The following ZSCAN5A variants were observed in gnomAD, a reference collection of about 807,000 sequenced individuals.
ZSCAN5A encodes zinc finger and SCAN domain-containing protein 5A.
ZSCAN5A carries 12 observed loss-of-function variants against 23.7 expected under a neutral mutation model. The ratio of observed to expected loss-of-function variants is 0.51; its 90% CI spans 0.32 to 0.82. The LOEUF (loss-of-function observed/expected upper bound fraction) is 0.82, where lower values mean the gene tolerates loss of function less well. ZSCAN5A is among the 40% of genes least tolerant of loss of function. The pLI is 0.03. For missense variants in ZSCAN5A, 597 were observed against 617.9 expected, an observed-to-expected ratio of 0.97 and a Z score of 0.36; for synonymous variants, 257 against 239.9, an observed-to-expected ratio of 1.07 and a Z score of -0.66.
At chr19:56,368,115 G>A (rs2041785656) in intron 1 of ZSCAN5A, 2 of 152,540 alleles carry the variant, frequency 1.3e-5, no homozygotes, top group South Asian at 2.1e-4. Flanking sequence ...ACGCCCCCAC[G>A]GCCGAACTCA....
chr19:56,221,715 A>T lies in ZSCAN5A; in HGVS notation c.1351T>A (p.Tyr451Asn). ...ECKDCKKVFTYRGSLKEHQRI... is the reference protein window; with the variant it reads ...ECKDCKKVFTNRGSLKEHQRI... ...TGGTGCTCCTTCAGGCTCCCCCTGTAGGTGAAAACTTTCTTGCAGTCTTTA... is the reference window on the plus strand; with the variant it reads ...TGGTGCTCCTTCAGGCTCCCCCTGTTGGTGAAAACTTTCTTGCAGTCTTTA... Residue 451 changes from tyrosine (Y) to asparagine (N), a missense_variant, in exon 6 of 6, where the codon TAC becomes AAC. Physicochemically the swap from Tyr to Asn is moderately radical, Grantham distance 143 (BLOSUM62 -2). Transcript: ENST00000683990. The T allele has an allele frequency of 6.2e-7, 1 of 1,614,200 alleles. No homozygotes were observed. Among genetic ancestry groups the T allele is most frequent in the Admixed American group, 1.7e-5 (1 of 60,022 alleles).
At chr19:56,320,042 TG>T (rs1276765847) in intron 2 of ZSCAN5A, 7 of 808,622 alleles carry the variant, frequency 8.7e-6, no homozygotes, top group Non-Finnish European at 1.6e-5. Context: ...AAAGCCTTTC[TG>T]GTCTGCATCA....
At chr19:56,259,695 C>T (rs1440004065) in intron 2 of ZSCAN5A, among the ~76,000 whole-genome samples, 4 of 152,214 alleles carry the variant, frequency 2.6e-5, no homozygotes, top group Admixed American at 6.5e-5. Context: ...AAAAGTTGAC[C>T]GGGCACGGTG....
chr19:56,359,515 A>T (rs901809640), intron 2 of ZSCAN5A, among the ~76,000 whole-genome samples: 3 of 152,218 alleles, frequency 2.0e-5, no homozygotes, highest in South Asian at 2.1e-4. Flanking sequence ...AGGAGCTGGT[A>T]CATTTCTTCT....
At chr19:56,276,103 GA>G (rs1283261503) in intron 2 of ZSCAN5A, among the ~76,000 whole-genome samples, 1 of 152,110 alleles carries the variant, frequency 6.6e-6, no homozygotes, top group Non-Finnish European at 1.5e-5. Context: ...TGCAACTAAA[GA>G]AAAAAGTAAG....
At position 56,269,428 on chromosome 19, in the gene ZSCAN5A, T is replaced by C. The variant is rs1379857414; in HGVS notation, c.-128+43855A>G. On this transcript the variant is annotated intron_variant, in intron 2 of 5. Transcript: ENST00000683990. ...TGCATCTGTGAGGCAGGCAGAATAA[T>C]TGTCCCTGAAGATACCCACATCTGA... 2.6e-5 allele frequency among the ~76,000 whole-genome samples: 4 copies of C among 152,310 alleles called. No homozygotes were observed. The East Asian group carries it at 5.8e-4, about 22-fold the overall frequency.
At chr19:56,308,043 C>CT (rs879496603) in intron 2 of ZSCAN5A, among the ~76,000 whole-genome samples, 4 of 151,420 alleles carry the variant, frequency 2.6e-5, no homozygotes, top group Non-Finnish European at 5.9e-5. Context: ...CATATTAAAC[C>CT]TTTTTTTTTG....
chr19:56,244,721 T>C (rs529297143), intron 2 of ZSCAN5A, among the ~76,000 whole-genome samples: 6 of 150,036 alleles, frequency 4.0e-5, no homozygotes, highest in Admixed American at 3.3e-4. Flanking sequence ...GTGTAGGAGA[T>C]GGACAGGCAG....
Position 56,257,773 on chromosome 19 carries a change from A to G in ZSCAN5A, c.-127-32600T>C, listed in dbSNP as rs10412659. Among the ~76,000 whole-genome samples, 407 of 80,148 alleles carry G rather than the reference A, an allele frequency of 5.1e-3. 1 individual carries two copies. The highest frequency in any genetic ancestry group is 0.017 in the Middle Eastern group (2 of 116). The allele number at this position is 80,148 out of a possible 152,430, so 52.6% of individuals were successfully genotyped here. A position where few individuals can be genotyped will look rare whatever the true frequency, so the allele number is the denominator to read the frequency against. ...GCCCATCTTCTTAGACACAGGCGCC[A>G]GGGGACTCTGCAAGCCTTTCACACC... On this transcript the variant is annotated intron_variant, in intron 2 of 5. Coordinates refer to ENST00000683990, the MANE Select transcript of ZSCAN5A (RefSeq NM_001322064.3).
At chr19:56,325,576 T>C (rs2041424398) in intron 2 of ZSCAN5A, among the ~76,000 whole-genome samples, 1 of 152,136 alleles carries the variant, frequency 6.6e-6, no homozygotes, top group South Asian at 2.1e-4. Flanking sequence ...CCAGATAGAA[T>C]GCATCCAGGT....
intron 2 of ZSCAN5A, among the ~76,000 whole-genome samples, chr19:56,326,504 T>C (rs971666114): frequency 4.6e-5 from 7 of 152,014 alleles, no homozygotes; most frequent in Non-Finnish European, 1.0e-4. Context: ...CCCTGGTAAC[T>C]GCCATTCTAC....
chr19:56,330,244 G>T (rs995450262), intron 2 of ZSCAN5A, among the ~76,000 whole-genome samples: 4 of 152,214 alleles, frequency 2.6e-5, no homozygotes, highest in African/African-American at 9.6e-5. Context: ...ATAATGGGCA[G>T]CTATGTTGAT....
chr19:56,280,358 C>A (rs1004795546), intron 2 of ZSCAN5A, among the ~76,000 whole-genome samples: 1 of 152,016 alleles, frequency 6.6e-6, no homozygotes, highest in Non-Finnish European at 1.5e-5. Flanking sequence ...ATACTAATGG[C>A]CACTCAGGTT....
At chr19:56,270,058 A>G (rs1212944102) in intron 2 of ZSCAN5A, among the ~76,000 whole-genome samples, 1 of 152,022 alleles carries the variant, frequency 6.6e-6, no homozygotes, top group East Asian at 1.9e-4. Flanking sequence ...GTCTGTGACT[A>G]TAACAACCAG....
chr19:56,361,290 A>G (rs1461444624), intron 2 of ZSCAN5A, among the ~76,000 whole-genome samples: 1 of 152,252 alleles, frequency 6.6e-6, no homozygotes, highest in Non-Finnish European at 1.5e-5. Context: ...TGTGAAAGAC[A>G]GTGTGGTGAT....
chr19:56,244,854 T>G, intron 2 of ZSCAN5A, among the ~76,000 whole-genome samples: 1 of 150,294 alleles, frequency 6.7e-6, no homozygotes, highest in African/African-American at 2.5e-5. Context: ...GGCCCAGGAG[T>G]CCCATCCTGA....
At chr19:56,292,035 A>G (rs1184208982) in intron 2 of ZSCAN5A, among the ~76,000 whole-genome samples, 1 of 152,180 alleles carries the variant, frequency 6.6e-6, no homozygotes, top group Non-Finnish European at 1.5e-5. Context: ...TAACTAGATC[A>G]AGACTGGGCA....
chr19:56,238,776 G>T (rs891238114), intron 2 of ZSCAN5A, among the ~76,000 whole-genome samples: 5 of 149,472 alleles, frequency 3.3e-5, no homozygotes, highest in Non-Finnish European at 7.5e-5. Flanking sequence ...AATTCACATT[G>T]TGAAAATGAC....
intron 2 of ZSCAN5A, chr19:56,320,237 A>C: frequency 1.8e-6 from 1 of 555,152 alleles, no homozygotes; most frequent in Admixed American, 2.2e-5. Context: ...TTAGTTCAAC[A>C]ATCCTGAGTA....
Sources: gnomAD v4.1 joint callset for allele counts (sites outside exome capture counted in the v4.1 genomes callset) on GRCh38, gnomAD v4.1.1 for gene constraint, MANE v1.5 for transcripts, NCBI Gene and HGNC (gene_info 2026-07-23, HGNC 2026-07-21) for gene names.